The following CSMD3 variants were observed in gnomAD, a reference collection of about 807,000 sequenced individuals.
The protein encoded by CSMD3 is CUB and sushi domain-containing protein 3.
In CSMD3, 177 loss-of-function variants were observed where a neutral mutation model predicts 435.2. The ratio of observed to expected loss-of-function variants is 0.41; its 90% CI spans 0.36 to 0.46. The LOEUF (loss-of-function observed/expected upper bound fraction) is 0.46. Among genes scored for constraint, CSMD3 ranks in the 20% least tolerant of loss-of-function variants. The probability of loss-of-function intolerance (pLI) is 0.34; values close to 1 mark genes in which losing one functional copy is unlikely to be tolerated. For synonymous variants in CSMD3, 1,656 were observed against 1,520.5 expected, an observed-to-expected ratio of 1.09 and a Z score of -2.07; for missense variants, 4,265 against 4,504.6, an observed-to-expected ratio of 0.95 and a Z score of 1.52.
intron 3 of CSMD3, among the ~76,000 whole-genome samples, chr8:113,225,966 A>G (rs903490637): frequency 6.6e-6 from 1 of 151,218 alleles, no homozygotes; most frequent in African/African-American, 2.4e-5. Flanking sequence ...TTCTCACGAG[A>G]TCTGATGGTT....
intron 6 of CSMD3, among the ~76,000 whole-genome samples, chr8:113,000,055 G>T (rs2085806242): frequency 6.6e-6 from 1 of 151,912 alleles, no homozygotes; most frequent in African/African-American, 2.4e-5. Flanking sequence ...GAACTGCAGG[G>T]GATGACCCAG....
chr8:113,403,276 C>G (rs2094518278), intron 1 of CSMD3, among the ~76,000 whole-genome samples: 1 of 151,330 alleles, frequency 6.6e-6, no homozygotes, highest in Non-Finnish European at 1.5e-5. Context: ...TGAAACTCCT[C>G]TTGAAAAGAT....
Position 112,289,503 on chromosome 8 carries a change from C to T in CSMD3, c.9010G>A (p.Ala3004Thr), listed in dbSNP as rs1819548049. ...DCGHPGVPPN[A>T]VLSGEKYTFG... ...GTATACTTCTCGCCAGACAGGACTG[C>T]ATTAGGAGGAACGCCAGGGTGTCCA... The change falls in exon 57 of 71, where the codon GCA becomes ACA. Residue 3004 changes from alanine to threonine, a missense_variant. By Grantham distance (58) the Ala-to-Thr change is moderately conservative (BLOSUM62 0). This residue lies in a region of CSMD3 where 3,255 missense variants were observed against 3,380.2 expected (regional missense o/e 0.96). Transcript: ENST00000297405. 4 of 1,612,758 alleles carry T rather than the reference C, an allele frequency of 2.5e-6. No individual in the cohort carries two copies. The highest frequency in any genetic ancestry group is 3.4e-6 in the Non-Finnish European group (4 of 1,179,206).
chr8:112,379,129 TTAGAA>T (rs1829232895), intron 38 of CSMD3, among the ~76,000 whole-genome samples: 1 of 152,056 alleles, frequency 6.6e-6, no homozygotes, highest in East Asian at 1.9e-4. Flanking sequence ...ATAAAATACT[TTAGAA>T]TAAACTTAAC....
chr8:112,903,444 T>G (rs1047726415), intron 10 of CSMD3, among the ~76,000 whole-genome samples: 1 of 150,996 alleles, frequency 6.6e-6, no homozygotes, highest in African/African-American at 2.4e-5. Context: ...CAAGGTGGAG[T>G]TATTATTATT....
intron 1 of CSMD3, among the ~76,000 whole-genome samples, chr8:113,361,708 C>T (rs4320578): frequency 0.68 from 92,427 of 135,926 alleles, 29,499 homozygotes; most frequent in East Asian, 0.79. Flanking sequence ...AAAATTTATA[C>T]ATGTGAAATT....
chr8:113,006,729 G>T (rs1353335002), intron 6 of CSMD3, among the ~76,000 whole-genome samples: 1 of 151,862 alleles, frequency 6.6e-6, no homozygotes, highest in Non-Finnish European at 1.5e-5. Context: ...GTCATTTGGG[G>T]TCTATCCAAC....
chr8:112,347,299 C>T (rs1248396591), intron 40 of CSMD3, among the ~76,000 whole-genome samples: 1 of 152,114 alleles, frequency 6.6e-6, no homozygotes, highest in African/African-American at 2.4e-5. Context: ...CCGTCTAAAG[C>T]ACATTTTTAT....
chr8:112,869,292 A>G (rs2081067273), intron 10 of CSMD3, among the ~76,000 whole-genome samples: 1 of 152,200 alleles, frequency 6.6e-6, no homozygotes, highest in South Asian at 2.1e-4. Flanking sequence ...AATTGTATAA[A>G]CTTCAATAAG....
At chr8:113,410,895 C>T (rs1306900631) in intron 1 of CSMD3, among the ~76,000 whole-genome samples, 5 of 54,864 alleles carry the variant, frequency 9.1e-5, no homozygotes, top group African/African-American at 4.7e-4. Context: ...CAGAGCAAAA[C>T]CCTGTGAAAG....
At chr8:112,680,121 G>A (rs1001680630) in intron 16 of CSMD3, among the ~76,000 whole-genome samples, 3 of 152,130 alleles carry the variant, frequency 2.0e-5, no homozygotes, top group Non-Finnish European at 2.9e-5. Flanking sequence ...TTGGGAGGCC[G>A]AGGCAGGCGG....
At chr8:113,130,097 A>G (rs1588126540) in intron 4 of CSMD3, among the ~76,000 whole-genome samples, 1 of 152,202 alleles carries the variant, frequency 6.6e-6, no homozygotes, top group African/African-American at 2.4e-5. Context: ...AGGCACTGTC[A>G]CACTAAGCAC....
chr8:113,429,788 C>T (rs2094659558), intron 1 of CSMD3, among the ~76,000 whole-genome samples: 2 of 152,110 alleles, frequency 1.3e-5, no homozygotes, highest in African/African-American at 4.8e-5. Context: ...GCCCTGTCAT[C>T]TAGTCTGAGT....
chr8:112,538,504 G>T (rs1008331142), intron 27 of CSMD3, among the ~76,000 whole-genome samples: 2 of 151,812 alleles, frequency 1.3e-5, no homozygotes, highest in African/African-American at 2.4e-5. Flanking sequence ...CAGTAATGTG[G>T]CAGGATACAA....
chr8:112,237,558 C>T (rs926342228), intron 66 of CSMD3, among the ~76,000 whole-genome samples: 2 of 151,824 alleles, frequency 1.3e-5, no homozygotes, highest in Non-Finnish European at 2.9e-5. Flanking sequence ...CATATGTTAT[C>T]GAGAAGAGAG....
Position 113,228,748 on chromosome 8 carries a change from A to G in CSMD3, c.514+49844T>C, listed in dbSNP as rs1262234536. ...GAAAATATGAAAGGAACCCCTGCTA[A>G]GTATTTCATACTTAATGATATTCAG... is the stretch of plus-strand genomic sequence containing the variant. On this transcript the variant is annotated intron_variant, in intron 3 of 70. Coordinates refer to ENST00000297405, the MANE Select transcript of CSMD3 (RefSeq NM_198123.2). 3.3e-5 allele frequency among the ~76,000 whole-genome samples: 5 copies of G among 151,546 alleles called. No individual in the cohort carries two copies. In the East Asian group the frequency reaches 9.7e-4, roughly 29 times the overall value.
At chr8:113,102,325 A>C (rs1365494533) in intron 4 of CSMD3, among the ~76,000 whole-genome samples, 1 of 152,114 alleles carries the variant, frequency 6.6e-6, no homozygotes, top group African/African-American at 2.4e-5. Context: ...ATTTGTATAA[A>C]CTTCTTGTGA....
rs1301412804 is a variant in CSMD3, at chr8:112,405,208, AAC to A, written c.5809+1314_5809+1315del. ...CAAAAAAAAAAAAAAAAAAAAAAAA[AAC>A]CCCCATATATATATATATATATATA... On this transcript the variant is annotated intron_variant, in intron 35 of 70. Coordinates refer to ENST00000297405, the MANE Select transcript of CSMD3 (RefSeq NM_198123.2). Among the ~76,000 whole-genome samples, 83 of 24,816 alleles carry A rather than the reference AAC, an allele frequency of 3.3e-3. 19 individuals carry two copies. Among genetic ancestry groups the A allele is most frequent in the African/African-American group, 0.012 (72 of 5,966 alleles). The allele number at this position is 24,816 out of a possible 152,430, so 16.3% of individuals were successfully genotyped here.
At chr8:112,392,696 A>G (rs1293950219) in intron 35 of CSMD3, among the ~76,000 whole-genome samples, 1 of 151,724 alleles carries the variant, frequency 6.6e-6, no homozygotes, top group Non-Finnish European at 1.5e-5. Context: ...CATTAATCAA[A>G]TAAGTGGCCT....
Sources: gnomAD v4.1 joint callset for allele counts (sites outside exome capture counted in the v4.1 genomes callset) on GRCh38, gnomAD v4.1.1 for gene constraint, gnomAD v4.1.1 regional missense constraint, MANE v1.5 for transcripts, NCBI Gene and HGNC (gene_info 2026-07-23, HGNC 2026-07-21) for gene names.